The following TRIM44 variants were observed in gnomAD, a reference collection of about 807,000 sequenced individuals.
TRIM44 encodes tripartite motif-containing protein 44.
TRIM44 carries 13 observed loss-of-function variants against 37.4 expected under a neutral mutation model. The ratio of observed to expected loss-of-function variants is 0.35; its 90% confidence interval spans 0.23 to 0.55. The LOEUF is 0.55. TRIM44 is among the 20% of genes least tolerant of loss of function. The pLI, the probability that TRIM44 is intolerant of heterozygous loss-of-function variation, is 0.89. For synonymous variants in TRIM44, 175 were observed against 157.2 expected (o/e 1.11, Z -0.85); for missense variants, 426 against 437.2 (o/e 0.97, Z 0.23).
chr11:35,679,789 A>G (rs1464342137), intron 1 of TRIM44, among the ~76,000 whole-genome samples: 1 of 152,192 alleles, frequency 6.6e-6, no homozygotes, highest in Non-Finnish European at 1.5e-5. Flanking sequence ...GCCAAAGAAA[A>G]TAGTTCTGTA....
intron 4 of TRIM44, among the ~76,000 whole-genome samples, chr11:35,793,416 T>G (rs566052223): frequency 6.6e-6 from 1 of 152,086 alleles, no homozygotes; most frequent in South Asian, 2.1e-4. Context: ...TCCCAGCTAC[T>G]CAGGAGGCTG....
intron 2 of TRIM44, among the ~76,000 whole-genome samples, chr11:35,687,082 G>A (rs962734558): frequency 3.3e-5 from 5 of 152,214 alleles, no homozygotes; most frequent in Admixed American, 1.3e-4. Context: ...ATGTAATATA[G>A]ATGTGGAATT....
intron 2 of TRIM44, among the ~76,000 whole-genome samples, chr11:35,692,105 A>T (rs574646405): frequency 6.6e-6 from 1 of 152,212 alleles, no homozygotes; most frequent in Non-Finnish European, 1.5e-5. Flanking sequence ...AGAAAAATGT[A>T]GAAGACCCAA....
At chr11:35,765,176 TC>T (rs1342702538) in intron 4 of TRIM44, among the ~76,000 whole-genome samples, 2 of 152,144 alleles carry the variant, frequency 1.3e-5, no homozygotes, top group African/African-American at 4.8e-5. Context: ...TTTCAGGACC[TC>T]TGTCATGAGA....
In TRIM44 at chr11:35,813,060, A is replaced by G. The variant is rs1302325171; in HGVS notation, c.*6675A>G. 2 of 152,204 alleles carry G rather than the reference A, an allele frequency of 1.3e-5. No individual in the cohort carries two copies. The highest frequency in any genetic ancestry group is 2.9e-5 in the Non-Finnish European group (2 of 68,030). 9.4% of individuals were successfully genotyped at this position (152,204 alleles called of 1,614,324 possible). ...AACAGCTTGACGTCAGGCCAGCTTC[A>G]TATTCTTGGAAAGGGACAACAGCAA... On this transcript the variant is annotated 3_prime_UTR_variant, in exon 5 of 5. Transcript: ENST00000299413.
At chr11:35,788,888 T>C (rs1853163861) in intron 4 of TRIM44, among the ~76,000 whole-genome samples, 1 of 152,242 alleles carries the variant, frequency 6.6e-6, no homozygotes, top group South Asian at 2.1e-4. Context: ...ATAAACTAAG[T>C]TGTTCCACAG....
intron 4 of TRIM44, among the ~76,000 whole-genome samples, chr11:35,776,602 A>G (rs1364163269): frequency 6.6e-6 from 1 of 152,202 alleles, no homozygotes; most frequent in Non-Finnish European, 1.5e-5. Flanking sequence ...ATTTAGTGCT[A>G]TAAATTTCCC....
At chr11:35,716,656 T>C (rs1185131930) in intron 2 of TRIM44, among the ~76,000 whole-genome samples, 1 of 152,132 alleles carries the variant, frequency 6.6e-6, no homozygotes, top group African/African-American at 2.4e-5. Flanking sequence ...AGAGACCTAT[T>C]ATCTGGTGGA....
intron 4 of TRIM44, among the ~76,000 whole-genome samples, chr11:35,764,415 T>C (rs149366785): frequency 6.6e-6 from 1 of 152,296 alleles, no homozygotes; most frequent in African/African-American, 2.4e-5. Flanking sequence ...AACATTAATT[T>C]AGTCGGAGAG....
chr11:35,663,541 G>GACA lies in TRIM44; in HGVS notation c.433_435dup (p.Asn145dup). On this transcript the variant is annotated inframe_insertion, in exon 1 of 5. Transcript: ENST00000299413. ...TGAGCAAGAAAGCGAGGCCGAAGAAGACAACCAAGAAGAAGGGGAATCCGA... is the reference window on the plus strand; with the variant it reads ...TGAGCAAGAAAGCGAGGCCGAAGAAGACAACAACCAAGAAGAAGGGGAATCCGA... The GACA allele has an allele frequency of 6.2e-7, 1 of 1,612,314 alleles. No homozygotes were observed. The highest frequency in any genetic ancestry group is 8.5e-7 in the Non-Finnish European group (1 of 1,179,088).
In TRIM44 at chr11:35,663,321, A is replaced by C. The variant is rs1393139533; in HGVS notation, c.210A>C (p.Pro70=). 1 of 1,614,088 alleles carries C rather than the reference A, an allele frequency of 6.2e-7. No homozygotes were observed. The highest frequency in any genetic ancestry group is 8.5e-7 in the Non-Finnish European group (1 of 1,179,996). ...YVHGSQAWTP[P]ADGEGAGKEE... is the part of the protein sequence containing the mutation. The stretch of plus-strand genomic sequence containing the variant: ...ACGGCTCCCAGGCCTGGACCCCGCC[A>C]GCTGACGGAGAGGGGGCGGGGAAGG... The change falls in exon 1 of 5, where the codon CCA becomes CCC. Residue 70 remains proline (P), a synonymous_variant. Transcript: ENST00000299413.
intron 1 of TRIM44, 32 bp downstream of exon 1, chr11:35,663,812 G>A: frequency 6.3e-7 from 1 of 1,588,832 alleles, no homozygotes; most frequent in Non-Finnish European, 8.6e-7. Flanking sequence ...CATAAACCTA[G>A]GGGTCAGGAC....
chr11:35,771,731 G>GAAA (rs67692890), intron 4 of TRIM44, among the ~76,000 whole-genome samples: 3 of 128,620 alleles, frequency 2.3e-5, no homozygotes, highest in Non-Finnish European at 5.1e-5. Context: ...TCTCAAAAAA[G>GAAA]AAAAAAAAAA....
chr11:35,730,279 T>C (rs543297729), intron 3 of TRIM44, among the ~76,000 whole-genome samples: 53 of 152,154 alleles, frequency 3.5e-4, no homozygotes, highest in Non-Finnish European at 7.1e-4. Context: ...TGAAGATAGA[T>C]TGATACTGAT....
chr11:35,773,961 A>G (rs972996941), intron 4 of TRIM44, among the ~76,000 whole-genome samples: 1 of 152,188 alleles, frequency 6.6e-6, no homozygotes, highest in Non-Finnish European at 1.5e-5. Flanking sequence ...TGGCAGCATG[A>G]TTTATAATCC....
chr11:35,754,059 GA>G lies in TRIM44; in HGVS notation c.1007+18621del, dbSNP rs1274765857. ...ACTGTCTCAAATTTAAAAAAAAAAA[GA>G]AAAAAAGAAATTTATTGAATACTTA... On this transcript the variant is annotated intron_variant, in intron 4 of 4. Transcript: ENST00000299413. Among the ~76,000 whole-genome samples the G allele has an allele frequency of 2.9e-5, 4 of 135,858 alleles. No homozygotes were observed. The South Asian group carries it at 8.4e-4, about 28-fold the overall frequency. 89.1% of individuals were successfully genotyped at this position (135,858 alleles called of 152,430 possible).
chr11:35,796,458 A>G (rs1465017918), intron 4 of TRIM44, among the ~76,000 whole-genome samples: 2 of 152,232 alleles, frequency 1.3e-5, no homozygotes, highest in Admixed American at 6.5e-5. Flanking sequence ...TAAGATTTCT[A>G]TGGAAGGAAA....
At chr11:35,793,337 C>A (rs1853241973) in intron 4 of TRIM44, among the ~76,000 whole-genome samples, 1 of 151,966 alleles carries the variant, frequency 6.6e-6, no homozygotes, top group South Asian at 2.1e-4. Context: ...CCAGCCTGGC[C>A]AACATGGTGA....
chr11:35,745,693 G>T (rs1852479523), intron 4 of TRIM44, among the ~76,000 whole-genome samples: 1 of 152,144 alleles, frequency 6.6e-6, no homozygotes, highest in Admixed American at 6.5e-5. Flanking sequence ...AGCAGCTCAG[G>T]GCACAAAGTG....
Sources: gnomAD v4.1 joint callset for allele counts (sites outside exome capture counted in the v4.1 genomes callset) on GRCh38, gnomAD v4.1.1 for gene constraint, MANE v1.5 for transcripts, NCBI Gene and HGNC (gene_info 2026-07-23, HGNC 2026-07-21) for gene names.